Variants in SHANK2 observed in about 807,000 individuals in gnomAD.
The protein encoded by SHANK2 is SH3 and multiple ankyrin repeat domains protein 2.
Under a neutral mutation model 133.7 loss-of-function variants are expected in SHANK2, and 43 were observed. That is an observed-to-expected ratio of 0.32 (90% CI 0.25 to 0.41). The LOEUF (loss-of-function observed/expected upper bound fraction) is 0.41. SHANK2 is among the 10% of genes least tolerant of loss of function. The pLI is 1.00. For synonymous variants in SHANK2, 1,017 were observed against 952.8 expected (o/e 1.07, Z -1.24); for missense variants, 1,994 against 2,235.8 (o/e 0.89, Z 2.18).
intron 7 of SHANK2, 28 bp downstream of exon 7, chr11:71,094,509 C>A: frequency 6.5e-7 from 1 of 1,541,656 alleles, no homozygotes; most frequent in Non-Finnish European, 8.8e-7. Flanking sequence ...CACGGGGTGG[C>A]ACCCAAGTAA....
At chr11:70,694,289 G>T (rs1304593594) in intron 15 of SHANK2, among the ~76,000 whole-genome samples, 1 of 152,234 alleles carries the variant, frequency 6.6e-6, no homozygotes, top group African/African-American at 2.4e-5. Flanking sequence ...ATCCCAGGGA[G>T]GGAATTGGCT....
chr11:71,212,290 A>C (rs1954299313), intron 2 of SHANK2, among the ~76,000 whole-genome samples: 1 of 152,230 alleles, frequency 6.6e-6, no homozygotes, highest in Admixed American at 6.5e-5. Flanking sequence ...CAGAAGACTC[A>C]TTTGGGAAAA....
chr11:70,587,667 G>A (rs1321869787), intron 17 of SHANK2, among the ~76,000 whole-genome samples: 8 of 147,950 alleles, frequency 5.4e-5, no homozygotes, highest in African/African-American at 1.5e-4. Flanking sequence ...CAAACTGAAG[G>A]TTTATGGCAA....
intron 11 of SHANK2, among the ~76,000 whole-genome samples, chr11:70,858,088 C>A (rs1482821028): frequency 1.3e-5 from 2 of 152,190 alleles, no homozygotes; most frequent in African/African-American, 2.4e-5. Flanking sequence ...TTCATCCCAG[C>A]CCAAATGTGC....
At chr11:70,910,740 G>A (rs1555078812) in intron 10 of SHANK2, among the ~76,000 whole-genome samples, 1 of 151,582 alleles carries the variant, frequency 6.6e-6, no homozygotes, top group African/African-American at 2.4e-5. Flanking sequence ...CCGGGAGGCA[G>A]AGGTTGCAGT....
intron 14 of SHANK2, among the ~76,000 whole-genome samples, chr11:70,750,726 T>C (rs1282161265): frequency 6.6e-6 from 1 of 152,104 alleles, no homozygotes; most frequent in African/African-American, 2.4e-5. Flanking sequence ...ATCAATGATA[T>C]TCAGAAAAGA....
At chr11:70,540,318 G>C (rs977571737) in intron 17 of SHANK2, among the ~76,000 whole-genome samples, 1 of 151,990 alleles carries the variant, frequency 6.6e-6, no homozygotes, top group Non-Finnish European at 1.5e-5. Flanking sequence ...ACCAGCAAGC[G>C]GGGCGCCCAC....
chr11:71,165,573 T>C (rs1314535699), intron 2 of SHANK2, among the ~76,000 whole-genome samples: 1 of 152,038 alleles, frequency 6.6e-6, no homozygotes, highest in Non-Finnish European at 1.5e-5. Flanking sequence ...TGTTGTCGCT[T>C]CTCTCTGCGA....
At chr11:70,788,715 C>A (rs1346131345) in intron 14 of SHANK2, among the ~76,000 whole-genome samples, 2 of 152,170 alleles carry the variant, frequency 1.3e-5, no homozygotes. Context: ...CCTGCCCAGC[C>A]CTGACCCCAG....
rs76484166 is a variant in SHANK2 at position 70,615,202 on chromosome 11, C to T, written c.2061+44626G>A. On this transcript the variant is annotated intron_variant, in intron 17 of 25. Transcript: ENST00000601538. Reference sequence around the variant, plus strand: ...CAGTGGGTGGGCCTAGAAGGAGAAGCTGAACATTGCCTATACACCTCTGCC... The same window carrying T: ...CAGTGGGTGGGCCTAGAAGGAGAAGTTGAACATTGCCTATACACCTCTGCC... Among the ~76,000 whole-genome samples, 607 of 152,254 alleles carry T rather than the reference C, an allele frequency of 4.0e-3. 4 individuals are homozygous for T. Among genetic ancestry groups the T allele is most frequent in the Middle Eastern group, 0.01 (3 of 294 alleles).
At chr11:70,727,931 G>A (rs1555031095) in intron 14 of SHANK2, among the ~76,000 whole-genome samples, 1 of 152,228 alleles carries the variant, frequency 6.6e-6, no homozygotes. Flanking sequence ...GACAAAGGAG[G>A]CGAGAGGTGT....
chr11:71,243,247 A>G (rs1555124620), intron 1 of SHANK2, among the ~76,000 whole-genome samples: 2 of 152,252 alleles, frequency 1.3e-5, no homozygotes, highest in African/African-American at 4.8e-5. Flanking sequence ...AAGCTAGAAA[A>G]GCAATAAAGA....
chr11:71,089,446 A>AGTGTGTGT (rs1262578229), intron 8 of SHANK2, among the ~76,000 whole-genome samples: 1 of 151,166 alleles, frequency 6.6e-6, no homozygotes, highest in Admixed American at 6.6e-5. Flanking sequence ...CGTGCGTGCG[A>AGTGTGTGT]GTGTGTGTGT....
chr11:70,711,167 G>A (rs1462148482), intron 14 of SHANK2, among the ~76,000 whole-genome samples: 1 of 152,172 alleles, frequency 6.6e-6, no homozygotes, highest in Non-Finnish European at 1.5e-5. Context: ...GGGGTCCCCA[G>A]GACTTCCGTG....
chr11:70,626,501 C>A (rs1217650444), intron 17 of SHANK2, among the ~76,000 whole-genome samples: 2 of 152,122 alleles, frequency 1.3e-5, no homozygotes, highest in African/African-American at 4.8e-5. Flanking sequence ...GCAAGCTTTA[C>A]GCCACAAAGC....
intron 10 of SHANK2, among the ~76,000 whole-genome samples, chr11:70,942,033 C>T (rs1292919025): frequency 6.6e-6 from 1 of 151,656 alleles, no homozygotes; most frequent in East Asian, 1.9e-4. Context: ...ACTAAAAATA[C>T]AAAATTAGCC....
At chr11:70,921,409 T>C (rs546706591) in intron 10 of SHANK2, among the ~76,000 whole-genome samples, 1 of 152,172 alleles carries the variant, frequency 6.6e-6, no homozygotes, top group South Asian at 2.1e-4. Context: ...CTGCTAGCTG[T>C]AGAGAAATCC....
At chr11:70,729,259 T>C (rs1555031434) in intron 14 of SHANK2, among the ~76,000 whole-genome samples, 1 of 149,208 alleles carries the variant, frequency 6.7e-6, no homozygotes, top group Non-Finnish European at 1.5e-5. Context: ...GCAACACAGA[T>C]GCGTCTCAGG....
At chr11:70,665,463 C>T (rs1193329610) in intron 15 of SHANK2, among the ~76,000 whole-genome samples, 1 of 152,194 alleles carries the variant, frequency 6.6e-6, no homozygotes, top group African/African-American at 2.4e-5. Flanking sequence ...TTCTAGCCCA[C>T]ACTTGTAACT....
Sources: gnomAD v4.1 joint callset for allele counts (sites outside exome capture counted in the v4.1 genomes callset) on GRCh38, gnomAD v4.1.1 for gene constraint, MANE v1.5 for transcripts, NCBI Gene and HGNC (gene_info 2026-07-23, HGNC 2026-07-21) for gene names.